Variants in PAPLN observed in about 807,000 individuals in gnomAD.
PAPLN encodes papilin.
Under a neutral mutation model 159.0 loss-of-function variants are expected in PAPLN, and 146 were observed. The ratio of observed to expected loss-of-function variants is 0.92; its 90% CI spans 0.80 to 1.05. The LOEUF (loss-of-function observed/expected upper bound fraction) is 1.05. PAPLN is among the 50% of genes least tolerant of loss of function. The probability of loss-of-function intolerance (pLI) is 0.00; values close to 1 mark genes in which losing one functional copy is unlikely to be tolerated. For missense variants in PAPLN, 1,720 were observed against 1,743.9 expected, an observed-to-expected ratio of 0.99 and a Z score of 0.24; for synonymous variants, 734 against 702.9, an observed-to-expected ratio of 1.04 and a Z score of -0.70.
chr14:73,262,035 T>C, intron 18 of PAPLN: 1 of 338,344 alleles, frequency 3.0e-6, no homozygotes, highest in East Asian at 5.3e-5. Context: ...TGCATGTGAC[T>C]TCAGGTGGTC....
chr14:73,269,354 G>A (rs1887500379), intron 26 of PAPLN, among the ~76,000 whole-genome samples: 2 of 151,196 alleles, frequency 1.3e-5, no homozygotes, highest in South Asian at 4.2e-4. Flanking sequence ...AATCTTACTT[G>A]CATCATTTGA....
At position 73,254,660 on chromosome 14, in the gene PAPLN, A is replaced by G; in HGVS notation, c.1450A>G (p.Ser484Gly). The part of the protein sequence containing the change: ...PCVHEDCPLL[S>G]DQAWHVGTWG... ...TGTGCATGAGGACTGCCCCCTCCTCAGTGACCAGGCCTGGCATGTTGGCAC... is the reference window on the plus strand; with the variant it reads ...TGTGCATGAGGACTGCCCCCTCCTCGGTGACCAGGCCTGGCATGTTGGCAC... Residue 484 changes from serine (S) to glycine (G), a missense_variant, in exon 13 of 27, where the codon AGT (serine) becomes GGT (glycine). Transcript: ENST00000644200. The G allele has an allele frequency of 6.2e-7, 1 of 1,613,922 alleles. No individual in the cohort carries two copies. Among genetic ancestry groups the G allele is most frequent in the Non-Finnish European group, 8.5e-7 (1 of 1,179,882 alleles).
At chr14:73,250,880 C>T in intron 6 of PAPLN, 27 bp from the exon 7 acceptor site, 2 of 1,594,396 alleles carry the variant, frequency 1.3e-6, no homozygotes, top group Non-Finnish European at 1.7e-6. Flanking sequence ...ATGCCGTCTC[C>T]CCTGCCTCCC....
At position 73,252,775 on chromosome 14, in the gene PAPLN, G is replaced by A. The variant is rs750526116; in HGVS notation, c.1094G>A (p.Arg365His). The part of the protein sequence containing the change: ...CNLHPCPETK[R>H]WKAGPWAPCS... ...CTTCACCCTTGCCCGGAGACCAAGC[G>A]GTGAGACCTTGCCAGCCCCTCTACC... Residue 365 changes from arginine (R) to histidine (H), a missense_variant and splice_region_variant, in exon 11 of 27, where the codon CGC becomes CAC. Coordinates refer to ENST00000644200, the MANE Select transcript of PAPLN (RefSeq NM_001365906.3). 36 of 1,613,168 alleles carry A rather than the reference G, an allele frequency of 2.2e-5. No homozygotes were observed. Among genetic ancestry groups the A allele is most frequent in the Middle Eastern group, 1.6e-4 (1 of 6,082 alleles).
chr14:73,253,816 C>A lies in PAPLN; in HGVS notation c.1157C>A (p.Ser386Tyr). 1 of 1,613,620 alleles carries A rather than the reference C, an allele frequency of 6.2e-7. No individual in the cohort carries two copies. Among genetic ancestry groups the A allele is most frequent in the African/African-American group, 1.3e-5 (1 of 75,066 alleles). The change falls in exon 12 of 27, where the codon TCC (serine) becomes TAC (tyrosine). Residue 386 changes from serine to tyrosine, a missense_variant. Transcript: ENST00000644200. Reference protein sequence around the residue: ...ASCGGGSQSRSVYCISSDGAG... With the variant: ...ASCGGGSQSRYVYCISSDGAG... The stretch of plus-strand genomic sequence containing the variant: ...TGTGGAGGAGGCTCCCAGTCCCGCT[C>A]CGTGTACTGCATCTCGTCTGACGGG...
intron 2 of PAPLN, among the ~76,000 whole-genome samples, chr14:73,240,474 ACT>A (rs905516135): frequency 6.6e-6 from 1 of 151,692 alleles, no homozygotes; most frequent in African/African-American, 2.4e-5. Flanking sequence ...ACAGAGTCTC[ACT>A]CTGTCACCCA....
intron 5 of PAPLN, 24 bp downstream of exon 5, chr14:73,246,199 T>C (rs777287646): frequency 1.9e-6 from 3 of 1,546,090 alleles, no homozygotes; most frequent in Non-Finnish European, 2.6e-6. Context: ...GGACTCGCTC[T>C]CTCGGGGCCT....
At chr14:73,272,354 A>G (rs1887815240) in intron 26 of PAPLN, 141 bp from the exon 27 acceptor site, 3 of 741,702 alleles carry the variant, frequency 4.0e-6, no homozygotes, top group Non-Finnish European at 6.2e-6. Context: ...TATGGTTAAA[A>G]GGTTACAGGG....
Position 73,252,116 on chromosome 14 carries a change from T to C in PAPLN, c.942T>C (p.Ser314=). The change falls in exon 10 of 27, where the codon AGT becomes AGC. Residue 314 remains serine (S), a synonymous_variant. Coordinates refer to ENST00000644200, the MANE Select transcript of PAPLN (RefSeq NM_001365906.3). ...TCAGCTGGAGCCACGGCTCATGGAGTGACTGCAGCGCGGAGTGTGGCGGAG... is the reference window on the plus strand; with the variant it reads ...TCAGCTGGAGCCACGGCTCATGGAGCGACTGCAGCGCGGAGTGTGGCGGAG... ...PGFSWSHGSW[S]DCSAECGGGH... is the part of the protein sequence containing the mutation. 6.2e-7 allele frequency: 1 copy of C among 1,608,624 alleles called. No homozygotes were observed. The highest frequency in any genetic ancestry group is 8.5e-7 in the Non-Finnish European group (1 of 1,177,734).
chr14:73,268,761 C>T lies in PAPLN; in HGVS notation c.3667+38C>T, dbSNP rs756115696. 2.9e-5 allele frequency: 45 copies of T among 1,551,672 alleles called. 1 individual carries two copies. Among genetic ancestry groups the T allele is most frequent in the Middle Eastern group, 1.7e-4 (1 of 5,812 alleles). On this transcript the variant is annotated intron_variant, in intron 26 of 26. Transcript: ENST00000644200. ...TATATCCGGGGATGGGAAGGACATT[C>T]CCCAGTAGATTTACTGGTTCTCAAG...
intron 18 of PAPLN, 81 bp from the exon 19 acceptor site, chr14:73,262,268 CT>C: frequency 7.3e-7 from 1 of 1,367,896 alleles, no homozygotes. Flanking sequence ...GGCCTGCTTC[CT>C]GAGTCGGAGG....
intron 16 of PAPLN, 119 bp from the exon 17 acceptor site, chr14:73,260,589 CT>C (rs1388797057): frequency 2.1e-4 from 264 of 1,265,062 alleles, no homozygotes; most frequent in Admixed American, 1.2e-3. Flanking sequence ...GACACGTCCT[CT>C]CCCCCCCAGG....
Position 73,258,618 on chromosome 14 carries a change from T to TAAAAAAAAAAAAAAAAAAA in PAPLN, c.1628-359_1628-341dup, listed in dbSNP as rs57126237. Among the ~76,000 whole-genome samples the TAAAAAAAAAAAAAAAAAAA allele has an allele frequency of 1.9e-3, 144 of 75,708 alleles. 8 individuals carry two copies. Among genetic ancestry groups the TAAAAAAAAAAAAAAAAAAA allele is most frequent in the East Asian group, 0.014 (20 of 1,474 alleles). 49.7% of individuals were successfully genotyped at this position (75,708 alleles called of 152,430 possible). On this transcript the variant is annotated intron_variant, in intron 14 of 26. Transcript: ENST00000644200. The stretch of plus-strand genomic sequence containing the variant: ...GGGCAATATAGAAAGACCCTATCTC[T>TAAAAAAAAAAAAAAAAAAA]AAAAAAAAAAAAAAAAAAAAGTAGT...
intron 20 of PAPLN, 181 bp from the exon 21 acceptor site, chr14:73,264,030 C>A (rs780187505): frequency 3.9e-5 from 59 of 1,521,464 alleles, no homozygotes; most frequent in Non-Finnish European, 1.1e-5. Flanking sequence ...CAGCTCCCTC[C>A]ACCTCCGCTG....
At chr14:73,252,523 C>T (rs1885401429) in intron 10 of PAPLN, 126 bp from the exon 11 acceptor site, 3 of 1,294,830 alleles carry the variant, frequency 2.3e-6, no homozygotes, top group Non-Finnish European at 3.1e-6. Context: ...GCACCTGCCT[C>T]GGGGGGGTCA....
Position 73,261,261 on chromosome 14 carries a change from C to T in PAPLN, c.2212C>T (p.Leu738Phe). The stretch of plus-strand genomic sequence containing the variant: ...CAACGTGGCCACTGCAGCCGGTCCT[C>T]TTGGGGAAGGCTGTGTGGGCCAGCC... ...YDNVATAAGP[L>F]GEGCVGQPSH... Residue 738 changes from leucine (L) to phenylalanine (F), a missense_variant, in exon 18 of 27, where the codon CTT becomes TTT. Physicochemically the swap from Leu to Phe is conservative, Grantham distance 22. Transcript: ENST00000644200. The T allele has an allele frequency of 6.2e-7, 1 of 1,613,820 alleles. No homozygotes were observed. The highest frequency in any genetic ancestry group is 8.5e-7 in the Non-Finnish European group (1 of 1,179,998).
chr14:73,262,350 C>CCT lies in PAPLN; in HGVS notation c.2247_2248dup (p.Tyr750SerfsTer53). 5 of 1,608,314 alleles carry CCT rather than the reference C, an allele frequency of 3.1e-6. No homozygotes were observed. Among genetic ancestry groups the CCT allele is most frequent in the Non-Finnish European group, 4.2e-6 (5 of 1,176,516 alleles). ...CTTATATCACACCCATGCCCTGCAG[C>CCT]CTACCCCGTGCGGTGCCTGCTGCCC... On this transcript the variant is annotated frameshift_variant and splice_region_variant, in exon 19 of 27. Transcript: ENST00000644200. LOFTEE classifies it high-confidence loss of function.
rs1886983414 is a variant in PAPLN, at chr14:73,264,316, G to A, written c.2967G>A (p.Lys989=). ...GSTRPGRDSQ[K]IQLRIIGGDM... The stretch of plus-strand genomic sequence containing the variant: ...CCCGGCCAGGCCGCGACTCCCAGAA[G>A]ATCCAACTTCGCATCATAGGTCTCT... Residue 989 remains lysine, a synonymous_variant, in exon 21 of 27, where the codon AAG becomes AAA. Coordinates refer to ENST00000644200, the MANE Select transcript of PAPLN (RefSeq NM_001365906.3). 2 of 1,613,924 alleles carry A rather than the reference G, an allele frequency of 1.2e-6. No individual in the cohort carries two copies. The highest frequency in any genetic ancestry group is 2.2e-5 in the South Asian group (2 of 91,066).
intron 2 of PAPLN, among the ~76,000 whole-genome samples, chr14:73,240,754 T>C (rs959885399): frequency 1.3e-5 from 2 of 152,222 alleles, no homozygotes; most frequent in Non-Finnish European, 2.9e-5. Flanking sequence ...AGAAGGTCCC[T>C]GGGTCTTGAG....
Sources: allele counts gnomAD v4.1 joint callset (sites outside exome capture counted in the v4.1 genomes callset), GRCh38; gene constraint gnomAD v4.1.1; transcripts MANE v1.5; gene names NCBI Gene and HGNC (gene_info 2026-07-23, HGNC 2026-07-21).